Variants in PPP6R3 observed in about 807,000 individuals in gnomAD.
PPP6R3 encodes serine/threonine-protein phosphatase 6 regulatory subunit 3.
A neutral mutation model predicts 110.7 loss-of-function variants in PPP6R3; 38 were observed. That is an observed-to-expected ratio of 0.34 (90% confidence interval 0.26 to 0.45). The LOEUF is 0.45. Ranked by LOEUF, PPP6R3 falls within the 20% of genes least tolerant of loss-of-function variation. PPP6R3 has a pLI of 1.00. For missense variants in PPP6R3, 870 were observed against 1,062.4 expected, an observed-to-expected ratio of 0.82 and a Z score of 2.52; for synonymous variants, 369 against 373.5, an observed-to-expected ratio of 0.99 and a Z score of 0.14.
intron 2 of PPP6R3, among the ~76,000 whole-genome samples, chr11:68,524,369 A>G (rs2099184528): frequency 6.6e-6 from 1 of 152,096 alleles, no homozygotes; most frequent in Non-Finnish European, 1.5e-5. Flanking sequence ...ATCTCTTTGG[A>G]TGCCATGTGG....
At chr11:68,522,280 T>C (rs1318595732) in intron 2 of PPP6R3, among the ~76,000 whole-genome samples, 6 of 152,238 alleles carry the variant, frequency 3.9e-5, no homozygotes, top group Non-Finnish European at 1.5e-5. Context: ...TCAGAAAACA[T>C]GTCCACTGCC....
chr11:68,477,876 A>G (rs1399969579), intron 1 of PPP6R3, among the ~76,000 whole-genome samples: 2 of 149,852 alleles, frequency 1.3e-5, no homozygotes, highest in Non-Finnish European at 3.0e-5. Flanking sequence ...TGTAGCACTC[A>G]GTTTTTGCTT....
chr11:68,561,183 G>A (rs938787077), intron 8 of PPP6R3, among the ~76,000 whole-genome samples: 30 of 152,154 alleles, frequency 2.0e-4, no homozygotes, highest in Middle Eastern at 3.4e-3. Context: ...CACCACGCCC[G>A]GCCACTTATA....
At chr11:68,588,075 G>A in intron 16 of PPP6R3, 51 bp downstream of exon 16, 1 of 1,465,988 alleles carries the variant, frequency 6.8e-7, no homozygotes, top group South Asian at 1.1e-5. Flanking sequence ...CCTTGCTCTT[G>A]GTAGATGTAT....
chr11:68,477,319 A>G (rs958668984), intron 1 of PPP6R3, among the ~76,000 whole-genome samples: 4 of 152,010 alleles, frequency 2.6e-5, no homozygotes, highest in African/African-American at 7.2e-5. Flanking sequence ...TTTCCACTTT[A>G]TGATAGACTT....
At chr11:68,603,547 G>T in intron 22 of PPP6R3, 55 bp downstream of exon 22, 1 of 1,603,528 alleles carries the variant, frequency 6.2e-7, no homozygotes, top group Non-Finnish European at 8.5e-7. Flanking sequence ...GGATGGTGGG[G>T]CAGAAACCTC....
chr11:68,489,579 T>TGTGTGTGTGTGTGTGTG (rs1565369441), intron 1 of PPP6R3, among the ~76,000 whole-genome samples: 1 of 151,714 alleles, frequency 6.6e-6, no homozygotes, highest in African/African-American at 2.4e-5. Context: ...TGTGTGTGTG[T>TGTGTGTGTGTGTGTGTG]TTTAATGAAC....
Position 68,517,610 on chromosome 11 carries a change from C to T in PPP6R3, c.-157-1891C>T, listed in dbSNP as rs975895155. Among the ~76,000 whole-genome samples, 42 of 152,076 alleles carry T rather than the reference C, an allele frequency of 2.8e-4. 1 individual carries two copies. Among genetic ancestry groups the T allele is most frequent in the Non-Finnish European group, 1.0e-4 (7 of 68,016 alleles). On this transcript the variant is annotated intron_variant, in intron 1 of 23. Coordinates refer to ENST00000393800, the MANE Select transcript of PPP6R3 (RefSeq NM_001164161.2). Reference sequence around the variant, plus strand: ...CATGCAGGAAGGGGCTCCCACTGGCCAAATGTGGGACAATTTGAACATCAG... The same window carrying T: ...CATGCAGGAAGGGGCTCCCACTGGCTAAATGTGGGACAATTTGAACATCAG...
chr11:68,488,057 A>G, intron 1 of PPP6R3, among the ~76,000 whole-genome samples: 1 of 152,232 alleles, frequency 6.6e-6, no homozygotes, highest in East Asian at 1.9e-4. Context: ...AGGCAAATAC[A>G]CATTAAGGAT....
At chr11:68,564,527 T>C in intron 9 of PPP6R3, 95 bp downstream of exon 9, 2 of 1,381,132 alleles carry the variant, frequency 1.4e-6, no homozygotes, top group Non-Finnish European at 2.0e-6. Flanking sequence ...CAGAACTGGC[T>C]GTGGTCTGCA....
intron 3 of PPP6R3, among the ~76,000 whole-genome samples, chr11:68,541,110 G>GTAAAGACAGACATAAGAAATCAC (rs1389369758): frequency 6.6e-6 from 1 of 152,248 alleles, no homozygotes; most frequent in Admixed American, 6.5e-5. Flanking sequence ...AGAGATTGCA[G>GTAAAGACAGACATAAGAAATCAC]TAAAGACAGA....
At chr11:68,533,674 C>A (rs564740717) in intron 2 of PPP6R3, among the ~76,000 whole-genome samples, 1 of 135,346 alleles carries the variant, frequency 7.4e-6, no homozygotes, top group Non-Finnish European at 1.5e-5. Context: ...CACTGCACAC[C>A]AGCCTGGGTG....
intron 1 of PPP6R3, among the ~76,000 whole-genome samples, chr11:68,509,998 C>A (rs2099100539): frequency 6.7e-6 from 1 of 149,662 alleles, no homozygotes; most frequent in Admixed American, 6.6e-5. Context: ...GGTGATCCAC[C>A]TGATTTGGCA....
intron 5 of PPP6R3, among the ~76,000 whole-genome samples, chr11:68,550,678 G>A (rs2099367375): frequency 6.6e-6 from 1 of 152,140 alleles, no homozygotes; most frequent in Non-Finnish European, 1.5e-5. Context: ...TGTTCATCCT[G>A]TGTTTTTCTT....
chr11:68,583,495 T>G (rs2099569041), intron 15 of PPP6R3, among the ~76,000 whole-genome samples: 1 of 152,172 alleles, frequency 6.6e-6, no homozygotes, highest in South Asian at 2.1e-4. Flanking sequence ...ATAATAGAAA[T>G]AAGACGTTTA....
chr11:68,586,746 C>T (rs2099579790), intron 15 of PPP6R3: 1 of 152,206 alleles, frequency 6.6e-6, no homozygotes, highest in African/African-American at 2.4e-5. Flanking sequence ...CAATAATTAT[C>T]CATGCCATAA....
Position 68,613,602 on chromosome 11 carries a change from C to A in PPP6R3, c.*485C>A, listed in dbSNP as rs1944527334. The A allele has an allele frequency of 1.0e-6, 1 of 985,790 alleles. No individual in the cohort carries two copies. Among genetic ancestry groups the A allele is most frequent in the Non-Finnish European group, 1.2e-6 (1 of 830,034 alleles). 61.1% of individuals were successfully genotyped at this position (985,790 alleles called of 1,614,324 possible). On this transcript the variant is annotated 3_prime_UTR_variant, in exon 24 of 24. Coordinates refer to ENST00000393800, the MANE Select transcript of PPP6R3 (RefSeq NM_001164161.2). ...ACAAGGAGTTGTAGAATGAAAATGCCCTCTAAGTGTTATTTTGGTTGTTCT... is the reference window on the plus strand; with the variant it reads ...ACAAGGAGTTGTAGAATGAAAATGCACTCTAAGTGTTATTTTGGTTGTTCT...
chr11:68,533,351 C>G (rs1311696488), intron 2 of PPP6R3, among the ~76,000 whole-genome samples: 1 of 152,088 alleles, frequency 6.6e-6, no homozygotes, highest in Non-Finnish European at 1.5e-5. Context: ...GAAAACTCAC[C>G]ATTAAAATGT....
chr11:68,558,569 A>G lies in PPP6R3; in HGVS notation c.735A>G (p.Gln245=). Residue 245 remains glutamine, a synonymous_variant, in exon 8 of 24, where the codon CAA becomes CAG. Transcript: ENST00000393800. ...PDPLLATLEK[Q]EIIEQLLSNI... ...GATTATTGATTTGTTTCCCTAGGCA[A>G]GAAATTATAGAGCAGCTTCTATCAA... The G allele has an allele frequency of 6.2e-7, 1 of 1,608,064 alleles. No individual in the cohort carries two copies. The highest frequency in any genetic ancestry group is 8.5e-7 in the Non-Finnish European group (1 of 1,175,550).
Sources: allele counts gnomAD v4.1 joint callset (sites outside exome capture counted in the v4.1 genomes callset), GRCh38; gene constraint gnomAD v4.1.1; transcripts MANE v1.5; gene names NCBI Gene and HGNC (gene_info 2026-07-23, HGNC 2026-07-21).